The following LINGO2 variants were observed in gnomAD, a reference collection of about 807,000 sequenced individuals.
LINGO2 encodes the protein leucine-rich repeat and immunoglobulin-like domain-containing nogo receptor-interacting protein 2.
A neutral mutation model predicts 30.6 loss-of-function variants in LINGO2; 14 were observed. The observed-to-expected ratio is 0.46, with a 90% CI of 0.30 to 0.72. LINGO2 has a LOEUF of 0.72. Among genes scored for constraint, LINGO2 ranks in the 30% least tolerant of loss-of-function variants. The pLI is 0.07. For synonymous variants in LINGO2, 317 were observed against 288.5 expected, an observed-to-expected ratio of 1.10 and a Z score of -1.00; for missense variants, 729 against 751.7, an observed-to-expected ratio of 0.97 and a Z score of 0.35.
chr9:28,637,995 C>T (rs1827367642), intron 1 of LINGO2, among the ~76,000 whole-genome samples: 1 of 152,108 alleles, frequency 6.6e-6, no homozygotes, highest in African/African-American at 2.4e-5. Flanking sequence ...AGATACAACC[C>T]ATCAATAACT....
the LINGO2 span, among the ~76,000 whole-genome samples, chr9:28,714,163 T>TAA: frequency 1.2e-5 from 1 of 82,534 alleles, no homozygotes; most frequent in African/African-American, 5.6e-5. Flanking sequence ...ATGCCTCAAA[T>TAA]AATATATATA....
intron 3 of LINGO2, among the ~76,000 whole-genome samples, chr9:28,359,965 C>T (rs1820376078): frequency 6.6e-6 from 1 of 152,068 alleles, no homozygotes; most frequent in South Asian, 2.1e-4. Flanking sequence ...CTGCTTCTAG[C>T]CCTGGCTACT....
At chr9:28,301,612 T>A (rs1362623923) in intron 3 of LINGO2, among the ~76,000 whole-genome samples, 1 of 151,768 alleles carries the variant, frequency 6.6e-6, no homozygotes, top group African/African-American at 2.4e-5. Flanking sequence ...AGCCATTTTT[T>A]AATTTTTCCA....
chr9:29,028,456 G>C, the LINGO2 span, among the ~76,000 whole-genome samples: 1 of 150,740 alleles, frequency 6.6e-6, no homozygotes, highest in African/African-American at 2.5e-5. Flanking sequence ...GACACAGAGA[G>C]AGACAGAGAG....
chr9:28,714,164 A>AATCTATATATAT, the LINGO2 span, among the ~76,000 whole-genome samples: 2 of 117,156 alleles, frequency 1.7e-5, no homozygotes, highest in African/African-American at 6.7e-5. Context: ...TGCCTCAAAT[A>AATCTATATATAT]ATATATATAT....
chr9:29,121,660 C>A, the LINGO2 span, among the ~76,000 whole-genome samples: 2 of 152,024 alleles, frequency 1.3e-5, no homozygotes, highest in East Asian at 3.9e-4. Context: ...TCAAGACTCT[C>A]CAGACAGAAG....
At chr9:28,088,132 G>C (rs1430678733) in intron 4 of LINGO2, among the ~76,000 whole-genome samples, 4 of 151,584 alleles carry the variant, frequency 2.6e-5, no homozygotes, top group Non-Finnish European at 5.9e-5. Context: ...CTTATCTATA[G>C]TATTGGGATA....
chr9:28,367,183 C>T (rs1199161619), intron 3 of LINGO2, among the ~76,000 whole-genome samples: 1 of 150,592 alleles, frequency 6.6e-6, no homozygotes, highest in Non-Finnish European at 1.5e-5. Context: ...TATTTCAATT[C>T]TTATCTCTCC....
At chr9:28,159,463 T>C (rs1828226138) in intron 4 of LINGO2, among the ~76,000 whole-genome samples, 1 of 151,996 alleles carries the variant, frequency 6.6e-6, no homozygotes, top group Admixed American at 6.5e-5. Context: ...CATTTTTCAT[T>C]GACAAATAAT....
At chr9:28,523,652 A>G (rs189377697) in intron 1 of LINGO2, among the ~76,000 whole-genome samples, 56 of 152,330 alleles carry the variant, frequency 3.7e-4, no homozygotes, top group African/African-American at 1.1e-3. Flanking sequence ...TGAACACTCA[A>G]AAATAAAATT....
At chr9:28,863,200 C>T in the LINGO2 span, among the ~76,000 whole-genome samples, 1 of 151,968 alleles carries the variant, frequency 6.6e-6, no homozygotes, top group African/African-American at 2.4e-5. Context: ...TGTCTTCAAG[C>T]CCCTGATCAT....
chr9:29,021,166 G>A, the LINGO2 span, among the ~76,000 whole-genome samples: 9 of 152,090 alleles, frequency 5.9e-5, no homozygotes, highest in Non-Finnish European at 8.8e-5. Context: ...TGAGAACAGA[G>A]GATATTTAGA....
At chr9:28,137,411 A>G (rs1249550976) in intron 4 of LINGO2, among the ~76,000 whole-genome samples, 1 of 152,092 alleles carries the variant, frequency 6.6e-6, no homozygotes, top group East Asian at 1.9e-4. Flanking sequence ...CACCTCTACA[A>G]CAAACCTGCT....
the LINGO2 span, among the ~76,000 whole-genome samples, chr9:28,850,394 G>T: frequency 1.3e-5 from 2 of 151,904 alleles, no homozygotes; most frequent in African/African-American, 4.8e-5. Context: ...TGCACCCTGT[G>T]ATAGTACTTC....
At chr9:28,035,278 A>T (rs978146521) in intron 4 of LINGO2, among the ~76,000 whole-genome samples, 1 of 152,366 alleles carries the variant, frequency 6.6e-6, no homozygotes, top group South Asian at 2.1e-4. Flanking sequence ...CAAAATAGAT[A>T]AAGCCATATA....
chr9:27,957,909 A>C (rs1406260623), intron 5 of LINGO2, among the ~76,000 whole-genome samples: 1 of 152,138 alleles, frequency 6.6e-6, no homozygotes, highest in Non-Finnish European at 1.5e-5. Flanking sequence ...ATCTAGAAAT[A>C]AAGACAGTTT....
chr9:29,063,058 C>T, the LINGO2 span, among the ~76,000 whole-genome samples: 3 of 152,188 alleles, frequency 2.0e-5, no homozygotes, highest in East Asian at 1.9e-4. Context: ...TAAAGAACAA[C>T]GTATCTATGA....
intron 1 of LINGO2, among the ~76,000 whole-genome samples, chr9:28,654,868 A>G (rs1173900647): frequency 1.3e-5 from 2 of 152,154 alleles, no homozygotes; most frequent in Non-Finnish European, 2.9e-5. Flanking sequence ...TGCATCTAGA[A>G]TATTATAATG....
the LINGO2 span, among the ~76,000 whole-genome samples, chr9:29,162,409 AAATC>A: frequency 2.0e-5 from 3 of 152,218 alleles, no homozygotes; most frequent in African/African-American, 7.2e-5. Context: ...GTTAAAATAA[AAATC>A]AATAACCTTC....
Sources: gnomAD v4.1 joint callset for allele counts (sites outside exome capture counted in the v4.1 genomes callset) on GRCh38, gnomAD v4.1.1 for gene constraint, MANE v1.5 for transcripts, NCBI Gene and HGNC (gene_info 2026-07-23, HGNC 2026-07-21) for gene names.